Variants in NEB observed in about 807,000 individuals in gnomAD.
NEB encodes nemaline myopathy type 2.
A neutral mutation model predicts 952.2 loss-of-function variants in NEB; 512 were observed. The observed-to-expected ratio is 0.54, with a 90% CI of 0.50 to 0.58. The LOEUF (loss-of-function observed/expected upper bound fraction) is 0.58. Ranked by LOEUF, NEB falls within the 20% of genes least tolerant of loss-of-function variation. The probability of loss-of-function intolerance (pLI) is 0.00; values close to 1 mark genes in which losing one functional copy is unlikely to be tolerated. For synonymous variants in NEB, 2,900 were observed against 3,149.8 expected (o/e 0.92, Z 2.66); for missense variants, 8,428 against 9,231.1 (o/e 0.91, Z 3.56).
chr2:151,547,466 A>C lies in NEB; in HGVS notation c.20330T>G (p.Val6777Gly). Residue 6777 changes from valine (V) to glycine (G), a missense_variant, in exon 133 of 182, where the codon GTG becomes GGG. Physicochemically the swap from Val to Gly is moderately radical, Grantham distance 109 (BLOSUM62 -3). Coordinates refer to ENST00000397345, the MANE Select transcript of NEB (RefSeq NM_001164508.2). The stretch of plus-strand genomic sequence containing the variant: ...GTCTCCCACATAGCGGCAATGGATC[A>C]CTTGGGGTGTGTATGGCAGAGAGAT... Reference protein sequence around the residue: ...HMISLPYTPQVIHCRYVGDIT... With the variant: ...HMISLPYTPQGIHCRYVGDIT... The C allele has an allele frequency of 6.2e-7, 1 of 1,607,366 alleles. No homozygotes were observed. Among genetic ancestry groups the C allele is most frequent in the Non-Finnish European group, 8.5e-7 (1 of 1,177,046 alleles).
chr2:151,549,877 G>T (rs1426137809), intron 129 of NEB, 137 bp from the exon 130 acceptor site: 1 of 611,194 alleles, frequency 1.6e-6, no homozygotes, highest in African/African-American at 1.8e-5. Flanking sequence ...TTGATTTCAG[G>T]AGAGAATTAA....
rs1269701288 is a variant in NEB at position 151,619,687 on chromosome 2, T to C, written c.10636A>G (p.Ile3546Val). 1.2e-6 allele frequency: 2 copies of C among 1,614,000 alleles called. No individual in the cohort carries two copies. Among genetic ancestry groups the C allele is most frequent in the African/African-American group, 1.3e-5 (1 of 75,062 alleles). The change falls in exon 73 of 182, where the codon ATA becomes GTA. Residue 3546 changes from isoleucine (I) to valine (V), a missense_variant. Ile to Val is a conservative substitution (Grantham distance 29). Coordinates refer to ENST00000397345, the MANE Select transcript of NEB (RefSeq NM_001164508.2). ...TTGGCAATGTGGAGGGACCACATTA[T>C]CTTGGGGTCATCGTGTACTGCTCGG... ...GARAVHDDPK[I>V]MWSLHIAKVQ... is the part of the protein sequence containing the mutation.
Position 151,695,674 on chromosome 2 carries a change from G to A in NEB, c.1578C>T (p.Tyr526=). 6.2e-7 allele frequency: 1 copy of A among 1,611,294 alleles called. No homozygotes were observed. Residue 526 remains tyrosine (Y), a synonymous_variant, in exon 18 of 182, where the codon TAC becomes TAT. Transcript: ENST00000397345. The part of the protein sequence containing the change: ...VNSKQLSDLN[Y]KAKHESEKFK... ...ACTTTTCACTTTCATGTTTTGCTTT[G>A]TAATTTAACTATGACAGAGAGAGAA... is the stretch of plus-strand genomic sequence containing the variant.
intron 10 of NEB, among the ~76,000 whole-genome samples, chr2:151,715,741 G>A (rs2099757246): frequency 6.6e-6 from 1 of 152,180 alleles, no homozygotes; most frequent in South Asian, 2.1e-4. Flanking sequence ...CCAATGTATG[G>A]TATTTTGTTG....
chr2:151,673,559 G>GT (rs1328077827), intron 36 of NEB, among the ~76,000 whole-genome samples: 9 of 152,088 alleles, frequency 5.9e-5, no homozygotes, highest in African/African-American at 2.2e-4. Flanking sequence ...GATGTTTTCA[G>GT]TATCATTCCT....
Position 151,631,225 on chromosome 2 carries a change from G to A in NEB, c.9536C>T (p.Pro3179Leu), listed in dbSNP as rs2098660572. The A allele has an allele frequency of 6.2e-7, 1 of 1,613,934 alleles. No homozygotes were observed. ...EILSDNIYRQ[P>L]PDKLKFTSVT... is the part of the protein sequence containing the mutation. Reference sequence around the variant, plus strand: ...ACTGGTAAATTTCAGCTTGTCCGGAGGCTGGCGGTAGATGTTATCACTCAG... The same window carrying A: ...ACTGGTAAATTTCAGCTTGTCCGGAAGCTGGCGGTAGATGTTATCACTCAG... The change falls in exon 66 of 182, where the codon CCT becomes CTT. Residue 3179 changes from proline to leucine, a missense_variant. Physicochemically the swap from Pro to Leu is moderately conservative, Grantham distance 98. Transcript: ENST00000397345.
intron 169 of NEB, 27 bp from the exon 170 acceptor site, chr2:151,498,379 A>G: frequency 6.8e-7 from 1 of 1,467,794 alleles, no homozygotes; most frequent in Non-Finnish European, 9.3e-7. Flanking sequence ...CATCCAGAAC[A>G]AAAAAAGCAA....
At chr2:151,566,741 G>A (rs1054976789) in intron 114 of NEB, among the ~76,000 whole-genome samples, 3 of 152,282 alleles carry the variant, frequency 2.0e-5, no homozygotes, top group African/African-American at 2.4e-5. Flanking sequence ...CATAAATGCC[G>A]TGAGGAATGA....
At position 151,493,356 on chromosome 2, in the gene NEB, G is replaced by A. The variant is rs1261528136; in HGVS notation, c.24762C>T (p.Ser8254=). The A allele has an allele frequency of 6.2e-7, 1 of 1,607,404 alleles. No homozygotes were observed. The highest frequency in any genetic ancestry group is 8.5e-7 in the Non-Finnish European group (1 of 1,174,458). The change falls in exon 176 of 182, where the codon AGC becomes AGT. Residue 8254 remains serine (S), a synonymous_variant. Transcript: ENST00000397345. Reference sequence around the variant, plus strand: ...TCTTTTTAGTCCTAGAAAATACCGAGCTAATGTTTTCTTGGTTGCGCTTAG... The same window carrying A: ...TCTTTTTAGTCCTAGAAAATACCGAACTAATGTTTTCTTGGTTGCGCTTAG... ...ERAKRNQENI[S]SVLYSDSFRK...
intron 55 of NEB, among the ~76,000 whole-genome samples, chr2:151,645,741 G>A (rs962789487): frequency 6.6e-6 from 1 of 152,154 alleles, no homozygotes; most frequent in African/African-American, 2.4e-5. Flanking sequence ...TCCTGCGTGG[G>A]TTTTGTATGC....
chr2:151,503,240 CAG>C (rs780848334), intron 166 of NEB, 107 bp downstream of exon 166: 1 of 800,288 alleles, frequency 1.2e-6, no homozygotes, highest in East Asian at 2.6e-5. Flanking sequence ...ACAACACACA[CAG>C]ACACACACAG....
intron 36 of NEB, among the ~76,000 whole-genome samples, chr2:151,673,892 C>T (rs900156773): frequency 4.6e-5 from 7 of 151,946 alleles, no homozygotes; most frequent in Admixed American, 2.6e-4. Flanking sequence ...CGCCACCATT[C>T]GATCTCCTGA....
At chr2:151,539,865 C>T (rs2093785906) in intron 138 of NEB, among the ~76,000 whole-genome samples, 1 of 152,156 alleles carries the variant, frequency 6.6e-6, no homozygotes, top group Non-Finnish European at 1.5e-5. Context: ...AGGAGCCCAG[C>T]AGCATGCTAG....
At chr2:151,491,064 T>G (rs2056198222) in intron 179 of NEB, 1 of 149,348 alleles carries the variant, frequency 6.7e-6, no homozygotes, top group African/African-American at 2.7e-5. Context: ...AGATGGGGTC[T>G]CTGTTGCTCA....
chr2:151,560,575 G>GC lies in NEB; in HGVS notation c.19314+16_19314+17insG. 1 of 1,583,140 alleles carries GC rather than the reference G, an allele frequency of 6.3e-7. No individual in the cohort carries two copies. Among genetic ancestry groups the GC allele is most frequent in the African/African-American group, 1.3e-5 (1 of 74,406 alleles). On this transcript the variant is annotated intron_variant, in intron 124 of 181. Transcript: ENST00000397345. Reference sequence around the variant, plus strand: ...GGAGGGAGGGTGGGAAAGCTGTCATGTTTTTGCTTTACTTACATGGCTGGC... The same window carrying GC: ...GGAGGGAGGGTGGGAAAGCTGTCATGCTTTTTGCTTTACTTACATGGCTGGC...
intron 114 of NEB, among the ~76,000 whole-genome samples, chr2:151,566,180 A>G (rs1453758488): frequency 1.3e-5 from 2 of 152,176 alleles, no homozygotes; most frequent in Non-Finnish European, 2.9e-5. Flanking sequence ...GTACTTTTAG[A>G]TGGATTTGAT....
In NEB at chr2:151,718,466, G is replaced by T. The variant is rs149259692; in HGVS notation, c.718-946C>A. Among the ~76,000 whole-genome samples the T allele has an allele frequency of 3.2e-3, 485 of 152,190 alleles. 1 individual carries two copies. Among genetic ancestry groups the T allele is most frequent in the Non-Finnish European group, 5.0e-3 (338 of 67,984 alleles). ...CTCTGGTTAGTCCCTACTCTCAGGG[G>T]CCAGTCTAAAACCCCAACACTGTCC... is the stretch of plus-strand genomic sequence containing the variant. On this transcript the variant is annotated intron_variant, in intron 9 of 181. Transcript: ENST00000397345.
intron 54 of NEB, 45 bp from the exon 55 acceptor site, chr2:151,646,279 T>G: frequency 7.3e-7 from 1 of 1,362,872 alleles, no homozygotes; most frequent in Non-Finnish European, 1.0e-6. Flanking sequence ...GTTAGATTAG[T>G]GAATGATACA....
Position 151,669,266 on chromosome 2 carries a change from G to A in NEB, c.4507-135C>T, listed in dbSNP as rs2099257067. 4.7e-6 allele frequency: 3 copies of A among 637,804 alleles called. No homozygotes were observed. In the Admixed American group the frequency reaches 7.3e-5, roughly 15 times the overall value. The allele number at this position is 637,804 out of a possible 1,614,324, so 39.5% of individuals were successfully genotyped here. On this transcript the variant is annotated intron_variant, in intron 38 of 181. Coordinates refer to ENST00000397345, the MANE Select transcript of NEB (RefSeq NM_001164508.2). ...GAGACAAATACCTACTCTGTCATAA[G>A]GGAGGGGCCCTGGTAGATGCATTTA...
Sources: gnomAD v4.1 joint callset for allele counts (sites outside exome capture counted in the v4.1 genomes callset) on GRCh38, gnomAD v4.1.1 for gene constraint, MANE v1.5 for transcripts, NCBI Gene and HGNC (gene_info 2026-07-23, HGNC 2026-07-21) for gene names.